The following PIK3C2G variants were observed in gnomAD, a reference collection of about 807,000 sequenced individuals.
PIK3C2G encodes phosphatidylinositol 3-kinase C2 domain-containing subunit gamma.
A neutral mutation model predicts 181.1 loss-of-function variants in PIK3C2G; 168 were observed. The observed-to-expected ratio is 0.93, with a 90% CI of 0.82 to 1.05. The LOEUF (loss-of-function observed/expected upper bound fraction) is 1.05, where lower values mean the gene tolerates loss of function less well. Ranked by LOEUF, PIK3C2G falls within the 50% of genes least tolerant of loss-of-function variation. The pLI, the probability that PIK3C2G is intolerant of heterozygous loss-of-function variation, is 0.00. For synonymous variants in PIK3C2G, 573 were observed against 592.2 expected (o/e 0.97, Z 0.47); for missense variants, 1,869 against 1,732.8 (o/e 1.08, Z -1.40).
In PIK3C2G at chr12:18,410,131, T is replaced by C. The variant is rs187811544; in HGVS notation, c.2315+10284T>C. On this transcript the variant is annotated intron_variant, in intron 16 of 32. Transcript: ENST00000538779. ...ATCAAGGCTCAGTTCTATGTTTCTGTCTTATGTAAGTAGGTCATAATAGAA... is the reference window on the plus strand; with the variant it reads ...ATCAAGGCTCAGTTCTATGTTTCTGCCTTATGTAAGTAGGTCATAATAGAA... 7.2e-5 allele frequency among the ~76,000 whole-genome samples: 11 copies of C among 152,270 alleles called. No homozygotes were observed. In the East Asian group the frequency reaches 1.9e-3, roughly 27 times the overall value.
rs1409186802 is a variant in PIK3C2G, at chr12:18,420,924, T to C, written c.2316-17T>C. The C allele has an allele frequency of 7.3e-7, 1 of 1,362,298 alleles. No individual in the cohort carries two copies. The highest frequency in any genetic ancestry group is 1.1e-6 in the Non-Finnish European group (1 of 951,786). 84.4% of individuals were successfully genotyped at this position (1,362,298 alleles called of 1,614,324 possible). A position where few individuals can be genotyped will look rare whatever the true frequency, so the allele number is the denominator to read the frequency against. On this transcript the variant is annotated splice_polypyrimidine_tract_variant and intron_variant, in intron 16 of 32. Coordinates refer to ENST00000538779, the MANE Select transcript of PIK3C2G (RefSeq NM_001288772.2). ...CTTACCATTAACAGCTTAGTGGATA[T>C]ATTTACTGTGTATTAGTTTTCCAGA...
chr12:18,623,754 GCCT>G (rs1349462536), intron 31 of PIK3C2G, among the ~76,000 whole-genome samples: 2 of 151,304 alleles, frequency 1.3e-5, no homozygotes, highest in African/African-American at 2.4e-5. Flanking sequence ...CAGGTCTTTT[GCCT>G]CCTTTGTTAA....
chr12:18,336,805 A>G lies in PIK3C2G; in HGVS notation c.1273-1621A>G, dbSNP rs138677617. On this transcript the variant is annotated intron_variant, in intron 8 of 32. Transcript: ENST00000538779. ...TTTTGGAATCCTCACTTTGTCTTTTATAGTATTAATTAGTTATTCTTCAGG... is the reference window on the plus strand; with the variant it reads ...TTTTGGAATCCTCACTTTGTCTTTTGTAGTATTAATTAGTTATTCTTCAGG... Among the ~76,000 whole-genome samples the G allele has an allele frequency of 2.0e-3, 306 of 152,248 alleles. 2 individuals are homozygous for G. Among genetic ancestry groups the G allele is most frequent in the Non-Finnish European group, 5.0e-4 (34 of 67,984 alleles).
At chr12:18,358,000 G>C (rs1371936600) in intron 11 of PIK3C2G, among the ~76,000 whole-genome samples, 1 of 152,120 alleles carries the variant, frequency 6.6e-6, no homozygotes, top group East Asian at 1.9e-4. Flanking sequence ...TTCACCCACT[G>C]GTGAACATTT....
chr12:18,470,876 T>C (rs938726000), intron 18 of PIK3C2G, among the ~76,000 whole-genome samples: 6 of 152,094 alleles, frequency 3.9e-5, no homozygotes, highest in African/African-American at 1.4e-4. Context: ...TATAACGTTT[T>C]ATTATAATGT....
At chr12:18,520,695 C>T (rs950554702) in intron 24 of PIK3C2G, among the ~76,000 whole-genome samples, 1 of 152,076 alleles carries the variant, frequency 6.6e-6, no homozygotes, top group African/African-American at 2.4e-5. Context: ...GCTATTACCC[C>T]CCTTCTGAAG....
the PIK3C2G span, chr12:18,683,560 C>G: frequency 6.7e-7 from 1 of 1,483,466 alleles, no homozygotes. Flanking sequence ...TTCCGCAAAG[C>G]GCTGCATGAT....
chr12:18,594,388 A>G (rs958753079), intron 29 of PIK3C2G, 106 bp from the exon 30 acceptor site: 61 of 616,700 alleles, frequency 9.9e-5, no homozygotes, highest in Non-Finnish European at 1.2e-4. Context: ...AGAATCTATA[A>G]CAGGTATCTA....
intron 11 of PIK3C2G, among the ~76,000 whole-genome samples, chr12:18,360,766 T>C (rs1941167833): frequency 6.6e-6 from 1 of 152,180 alleles, no homozygotes; most frequent in Non-Finnish European, 1.5e-5. Context: ...ACATGATTAG[T>C]CATTTTCTCT....
At chr12:18,712,843 A>G in the PIK3C2G span, 2 of 1,613,712 alleles carry the variant, frequency 1.2e-6, no homozygotes, top group East Asian at 2.2e-5. Context: ...TGTACATACC[A>G]TGAATGCATA....
In PIK3C2G at chr12:18,445,205, A is replaced by G. The variant is rs182901858; in HGVS notation, c.2504+21166A>G. Among the ~76,000 whole-genome samples the G allele has an allele frequency of 3.8e-3, 573 of 152,232 alleles. 3 individuals carry two copies. Among genetic ancestry groups the G allele is most frequent in the African/African-American group, 0.013 (529 of 41,550 alleles). ...TTATATTAGGAAAATACTTTTTAAT[A>G]AATAGGTGTTGTATATCATCTTTTC... On this transcript the variant is annotated intron_variant, in intron 18 of 32. Transcript: ENST00000538779.
At position 18,349,328 on chromosome 12, in the gene PIK3C2G, A is replaced by G. The variant is rs537856388; in HGVS notation, c.1625+2492A>G. On this transcript the variant is annotated intron_variant, in intron 11 of 32. Transcript: ENST00000538779. Reference sequence around the variant, plus strand: ...TGACAAACTGAGGGGGTAAAATAACAAAGTGACAACTTTCTAGATGGCTTT... The same window carrying G: ...TGACAAACTGAGGGGGTAAAATAACGAAGTGACAACTTTCTAGATGGCTTT... Among the ~76,000 whole-genome samples, 3 of 152,252 alleles carry G rather than the reference A, an allele frequency of 2.0e-5. No homozygotes were observed. The East Asian group carries it at 5.8e-4, about 29-fold the overall frequency.
At chr12:18,437,881 C>T (rs770309571) in intron 18 of PIK3C2G, among the ~76,000 whole-genome samples, 3 of 151,714 alleles carry the variant, frequency 2.0e-5, no homozygotes, top group Non-Finnish European at 4.4e-5. Context: ...GCCTAGGAAG[C>T]GTATTGAGGA....
At chr12:18,406,352 T>C (rs1384426751) in intron 16 of PIK3C2G, among the ~76,000 whole-genome samples, 1 of 152,148 alleles carries the variant, frequency 6.6e-6, no homozygotes, top group Admixed American at 6.6e-5. Context: ...GGGGTACAGA[T>C]ATCTCTTTGA....
At chr12:18,578,564 T>C (rs559083353) in intron 29 of PIK3C2G, among the ~76,000 whole-genome samples, 5 of 152,322 alleles carry the variant, frequency 3.3e-5, no homozygotes, top group Non-Finnish European at 7.4e-5. Flanking sequence ...AGTTTGTTTA[T>C]ATTCAAGAAA....
In PIK3C2G at chr12:18,496,055, C is replaced by T. The variant is rs1034998650; in HGVS notation, c.2794-7C>T. On this transcript the variant is annotated splice_polypyrimidine_tract_variant and splice_region_variant and intron_variant, in intron 20 of 32. Transcript: ENST00000538779. Reference sequence around the variant, plus strand: ...CTCACTAGTTTTCCCTTTTTCTTTTCCTATAGGCATGTTCATATTTTACAT... The same window carrying T: ...CTCACTAGTTTTCCCTTTTTCTTTTTCTATAGGCATGTTCATATTTTACAT... The T allele has an allele frequency of 6.9e-7, 1 of 1,448,580 alleles. No homozygotes were observed. Among genetic ancestry groups the T allele is most frequent in the South Asian group, 1.3e-5 (1 of 74,490 alleles). The allele number at this position is 1,448,580 out of a possible 1,614,324, so 89.7% of individuals were successfully genotyped here.
At position 18,282,299 on chromosome 12, in the gene PIK3C2G, C is replaced by T; in HGVS notation, c.218C>T (p.Ser73Leu). ...GTGCCCACTGCACCAAAATGGGACTCAACAGGGCATTCATTAAATGAAGCA... is the reference window on the plus strand; with the variant it reads ...GTGCCCACTGCACCAAAATGGGACTTAACAGGGCATTCATTAAATGAAGCA... ...FFVPTAPKWDSTGHSLNEAHQ... is the reference protein window; with the variant it reads ...FFVPTAPKWDLTGHSLNEAHQ... Residue 73 changes from serine (S) to leucine (L), a missense_variant, in exon 2 of 33, where the codon TCA becomes TTA. Ser to Leu is a moderately radical substitution (Grantham distance 145). Transcript: ENST00000538779. The T allele has an allele frequency of 6.2e-7, 1 of 1,613,230 alleles. No homozygotes were observed. Among genetic ancestry groups the T allele is most frequent in the Non-Finnish European group, 8.5e-7 (1 of 1,179,310 alleles).
At chr12:18,719,803 A>G in the PIK3C2G span, among the ~76,000 whole-genome samples, 1 of 152,242 alleles carries the variant, frequency 6.6e-6, no homozygotes, top group Non-Finnish European at 1.5e-5. Context: ...TTTTTGTAGT[A>G]AAACCTTCAG....
At chr12:18,549,144 A>G (rs1944596486) in intron 26 of PIK3C2G, among the ~76,000 whole-genome samples, 1 of 151,922 alleles carries the variant, frequency 6.6e-6, no homozygotes, top group Admixed American at 6.6e-5. Flanking sequence ...GTACTTCCCA[A>G]TCTTTTCTTC....
Sources: allele counts gnomAD v4.1 joint callset (sites outside exome capture counted in the v4.1 genomes callset), GRCh38; gene constraint gnomAD v4.1.1; transcripts MANE v1.5; gene names NCBI Gene and HGNC (gene_info 2026-07-23, HGNC 2026-07-21).